The following ADCY3 variants were observed in gnomAD, a reference collection of about 807,000 sequenced individuals.
The protein encoded by ADCY3 is adenylate cyclase type 3.
In ADCY3, 70 loss-of-function variants were observed where a neutral mutation model predicts 119.4. The ratio of observed to expected loss-of-function variants is 0.59; its 90% CI spans 0.48 to 0.72. The LOEUF (loss-of-function observed/expected upper bound fraction) is 0.72. Ranked by LOEUF, ADCY3 falls within the 30% of genes least tolerant of loss-of-function variation. The probability of loss-of-function intolerance (pLI) is 0.00; values close to 1 mark genes in which losing one functional copy is unlikely to be tolerated. For missense variants in ADCY3, 1,238 were observed against 1,541.6 expected, an observed-to-expected ratio of 0.80 and a Z score of 3.30; for synonymous variants, 672 against 621.4, an observed-to-expected ratio of 1.08 and a Z score of -1.21.
In ADCY3 at chr2:24,840,046, C is replaced by A. The variant is rs1459586978; in HGVS notation, c.1197-15G>T. The stretch of plus-strand genomic sequence containing the variant: ...CCCGCACATACCTGCCAGGTACACA[C>A]AGAAAGGAGGGTCAGGGTGTGGCCT... On this transcript the variant is annotated splice_polypyrimidine_tract_variant and intron_variant, in intron 6 of 21. Transcript: ENST00000679454. 6.3e-7 allele frequency: 1 copy of A among 1,598,954 alleles called. No individual in the cohort carries two copies. Among genetic ancestry groups the A allele is most frequent in the African/African-American group, 1.3e-5 (1 of 74,682 alleles).
Position 24,842,831 on chromosome 2 carries a change from C to T in ADCY3, c.826-447G>A, listed in dbSNP as rs1249135579. 6.6e-6 allele frequency among the ~76,000 whole-genome samples: 1 copy of T among 152,218 alleles called. No individual in the cohort carries two copies. Among genetic ancestry groups the T allele is most frequent in the Non-Finnish European group, 1.5e-5 (1 of 68,042 alleles). On this transcript the variant is annotated intron_variant, in intron 3 of 21. Coordinates refer to ENST00000679454, the MANE Select transcript of ADCY3 (RefSeq NM_004036.5). The surrounding 1 kb of genome is among the most constrained non-coding windows in gnomAD (Gnocchi z 4.9). ...AAGACTGACAGCAGACCAGGCACTA[C>T]ACGAGGCGCCAGCGACACAAAACCA...
In ADCY3 at chr2:24,919,226, A is replaced by G; in HGVS notation, c.-197-42T>C. The G allele has an allele frequency of 1.9e-6, 1 of 532,378 alleles. No individual in the cohort carries two copies. The highest frequency in any genetic ancestry group is 3.3e-5 in the East Asian group (1 of 30,424). 33.0% of individuals were successfully genotyped at this position (532,378 alleles called of 1,614,324 possible). ...TGAGTAGAAGCACCTCTTCCCTCCT[A>G]CCTTGCGGTTTCCCCATGACCCGCC... On this transcript the variant is annotated intron_variant, in intron 1 of 21. Transcript: ENST00000679454. The surrounding 1 kb of genome is among the most constrained non-coding windows in gnomAD (Gnocchi z 5.5).
intron 2 of ADCY3, among the ~76,000 whole-genome samples, chr2:24,889,201 G>C (rs1445065628): frequency 2.0e-5 from 3 of 152,162 alleles, no homozygotes; most frequent in Non-Finnish European, 4.4e-5. Flanking sequence ...GCCAATACAG[G>C]GAAGCAGCAT....
At chr2:24,894,336 A>T (rs1395709136) in intron 2 of ADCY3, among the ~76,000 whole-genome samples, 1 of 152,066 alleles carries the variant, frequency 6.6e-6, no homozygotes, top group African/African-American at 2.4e-5. Flanking sequence ...TTAGCCAGAC[A>T]TGCTGTTATA....
chr2:24,861,830 T>G (rs1340024336), intron 3 of ADCY3, among the ~76,000 whole-genome samples: 1 of 152,188 alleles, frequency 6.6e-6, no homozygotes, highest in Non-Finnish European at 1.5e-5. Context: ...CTTCAGCCGG[T>G]GCCTCCCCAG....
intron 2 of ADCY3, among the ~76,000 whole-genome samples, chr2:24,903,840 C>T (rs1241880497): frequency 6.6e-6 from 1 of 152,132 alleles, no homozygotes; most frequent in Non-Finnish European, 1.5e-5. Flanking sequence ...CTAACCCTGC[C>T]GAGGACGAAG....
intron 13 of ADCY3, among the ~76,000 whole-genome samples, chr2:24,828,975 TCTGG>T (rs1669025347): frequency 6.6e-6 from 1 of 152,002 alleles, no homozygotes. Context: ...CAAGGTAGGC[TCTGG>T]AGCCCCTAAC....
intron 16 of ADCY3, 76 bp downstream of exon 16, chr2:24,825,969 T>C (rs1668561508): frequency 1.4e-6 from 2 of 1,435,614 alleles, no homozygotes; most frequent in Admixed American, 1.8e-5. Context: ...GCTTGGGCTC[T>C]TAGGTCCCAG....
intron 11 of ADCY3, among the ~76,000 whole-genome samples, chr2:24,833,642 TTC>T (rs780505571): frequency 2.6e-5 from 4 of 152,240 alleles, no homozygotes; most frequent in Non-Finnish European, 4.4e-5. Flanking sequence ...GAGCAGGGGT[TTC>T]TGTGTGCCGC....
chr2:24,894,418 T>C lies in ADCY3; in HGVS notation c.676-21699A>G, dbSNP rs976096724. Among the ~76,000 whole-genome samples the C allele has an allele frequency of 1.6e-4, 25 of 152,200 alleles. No homozygotes were observed. The East Asian group carries it at 1.7e-3, about 11-fold the overall frequency. On this transcript the variant is annotated intron_variant, in intron 2 of 21. Coordinates refer to ENST00000679454, the MANE Select transcript of ADCY3 (RefSeq NM_004036.5). ...TGAGCCCAGGAGGTTGAGGCTACAGTGAGCTATAATTGTGCCACTGCTGTC... is the reference window on the plus strand; with the variant it reads ...TGAGCCCAGGAGGTTGAGGCTACAGCGAGCTATAATTGTGCCACTGCTGTC...
At position 24,918,233 on chromosome 2, in the gene ADCY3, CA is replaced by C; in HGVS notation, c.675+79del. On this transcript the variant is annotated intron_variant, in intron 2 of 21. Coordinates refer to ENST00000679454, the MANE Select transcript of ADCY3 (RefSeq NM_004036.5). This position sits in a 1 kb window ranked among gnomAD's most constrained non-coding sequence, Gnocchi z 5.4. ...GACACATTTTGACTCAAAGGCAAAG[CA>C]AACAGCAACTCCAACAGGTCCCAAG... 1 of 1,474,074 alleles carries C rather than the reference CA, an allele frequency of 6.8e-7. No homozygotes were observed. The highest frequency in any genetic ancestry group is 9.1e-7 in the Non-Finnish European group (1 of 1,102,142). The allele number at this position is 1,474,074 out of a possible 1,614,324, so 91.3% of individuals were successfully genotyped here.
At chr2:24,885,605 C>T (rs886284312) in intron 2 of ADCY3, among the ~76,000 whole-genome samples, 21 of 152,160 alleles carry the variant, frequency 1.4e-4, no homozygotes, top group Admixed American at 8.5e-4. Flanking sequence ...CTCCTTTTTC[C>T]TCACTCTTGC....
chr2:24,822,506 G>T lies in ADCY3; in HGVS notation c.3003+5C>A. ...CTCATCTCTCTGGCTACTGGGGTTA[G>T]CTACCTTGTTGGAGCTGGCAAAGCC... On this transcript the variant is annotated splice_donor_5th_base_variant and intron_variant, in intron 19 of 21. Coordinates refer to ENST00000679454, the MANE Select transcript of ADCY3 (RefSeq NM_004036.5). 1 of 1,613,316 alleles carries T rather than the reference G, an allele frequency of 6.2e-7. No homozygotes were observed.
chr2:24,873,915 T>C (rs1042335537), intron 2 of ADCY3, among the ~76,000 whole-genome samples: 16 of 152,198 alleles, frequency 1.1e-4, no homozygotes, highest in Admixed American at 1.0e-3. Context: ...AATTTCTCAA[T>C]TTCTGGCCCT....
At position 24,842,034 on chromosome 2, in the gene ADCY3, A is replaced by G. The variant is rs1211227003; in HGVS notation, c.956+220T>C. Among the ~76,000 whole-genome samples the G allele has an allele frequency of 6.6e-6, 1 of 152,114 alleles. No individual in the cohort carries two copies. Among genetic ancestry groups the G allele is most frequent in the African/African-American group, 2.4e-5 (1 of 41,430 alleles). ...AGGAGTCCCTTCCCCGCTCCAGGTGATATCTGTTCTATGATGGGGTTGGAC... is the reference window on the plus strand; with the variant it reads ...AGGAGTCCCTTCCCCGCTCCAGGTGGTATCTGTTCTATGATGGGGTTGGAC... On this transcript the variant is annotated intron_variant, in intron 4 of 21. Transcript: ENST00000679454. The surrounding 1 kb of genome is among the most constrained non-coding windows in gnomAD (Gnocchi z 4.9).
At chr2:24,843,846 T>C (rs1196750765) in intron 3 of ADCY3, among the ~76,000 whole-genome samples, 2 of 152,098 alleles carry the variant, frequency 1.3e-5, no homozygotes, top group African/African-American at 4.8e-5. Flanking sequence ...AGGGACAGAA[T>C]GTGGTGCTGC....
At position 24,912,569 on chromosome 2, in the gene ADCY3, ATGTG is replaced by A. The variant is rs1436630372; in HGVS notation, c.675+5740_675+5743del. Among the ~76,000 whole-genome samples the A allele has an allele frequency of 4.6e-3, 184 of 39,688 alleles. 1 individual carries two copies. The African/African-American group carries it at 0.058, about 12-fold the overall frequency. 26.0% of individuals were successfully genotyped at this position (39,688 alleles called of 152,430 possible). ...AGCACGCATGTGTGTGTGTGTGTGC[ATGTG>A]TGTGTGTGTGTGCATGTGTGTGTGT... On this transcript the variant is annotated intron_variant, in intron 2 of 21. Transcript: ENST00000679454.
At chr2:24,910,664 T>C (rs1663489385) in intron 2 of ADCY3, among the ~76,000 whole-genome samples, 1 of 38,904 alleles carries the variant, frequency 2.6e-5, no homozygotes, top group Non-Finnish European at 4.7e-5. Context: ...TTCTTTTCTT[T>C]TTTTTTTTTT....
chr2:24,847,642 A>G (rs1375308804), intron 3 of ADCY3, among the ~76,000 whole-genome samples: 3 of 152,212 alleles, frequency 2.0e-5, no homozygotes, highest in African/African-American at 7.2e-5. Flanking sequence ...AGGATGCCCA[A>G]TGCAAAGAAA....
Sources: gnomAD v4.1 joint callset for allele counts (sites outside exome capture counted in the v4.1 genomes callset) on GRCh38, gnomAD v4.1.1 for gene constraint, Gnocchi (gnomAD v3.1) non-coding constraint, MANE v1.5 for transcripts, NCBI Gene and HGNC (gene_info 2026-07-23, HGNC 2026-07-21) for gene names.